PDGFRL: variants seen among roughly 807,000 people sequenced by gnomAD.
PDGFRL encodes platelet derived growth factor receptor like, also known as platelet-derived growth factor receptor-like protein.
PDGFRL carries 46 observed loss-of-function variants against 37.2 expected under a neutral mutation model. The ratio of observed to expected loss-of-function variants is 1.24; its 90% CI spans 0.98 to 1.58. PDGFRL has a LOEUF of 1.58. PDGFRL is among the 40% of genes most tolerant of loss of function. PDGFRL has a pLI of 0.00. For missense variants in PDGFRL, 692 were observed against 467.6 expected (o/e 1.48, Z -4.43); for synonymous variants, 251 against 184.3 (o/e 1.36, Z -2.93).
chr8:17,592,658 T>C (rs572123051), intron 2 of PDGFRL, among the ~76,000 whole-genome samples: 10 of 152,290 alleles, frequency 6.6e-5, no homozygotes, highest in African/African-American at 2.4e-4. Flanking sequence ...GGAACACTCT[T>C]GGGCCCCTCA....
intron 2 of PDGFRL, among the ~76,000 whole-genome samples, chr8:17,615,786 C>T (rs1041949500): frequency 6.6e-5 from 10 of 152,148 alleles, no homozygotes; most frequent in African/African-American, 2.4e-4. Flanking sequence ...GATGTGGTGG[C>T]ACATGCCAGC....
At chr8:17,640,704 G>A (rs1162792711) in intron 5 of PDGFRL, among the ~76,000 whole-genome samples, 1 of 152,136 alleles carries the variant, frequency 6.6e-6, no homozygotes, top group Non-Finnish European at 1.5e-5. Flanking sequence ...AACTCTGTGA[G>A]GGTCCTTAGT....
intron 2 of PDGFRL, among the ~76,000 whole-genome samples, chr8:17,608,320 T>C (rs986914231): frequency 6.6e-6 from 1 of 152,202 alleles, no homozygotes; most frequent in Admixed American, 6.5e-5. Context: ...CCCTTCCCTG[T>C]AACAGCACTG....
intron 2 of PDGFRL, among the ~76,000 whole-genome samples, chr8:17,599,813 T>C (rs528598565): frequency 3.9e-4 from 60 of 152,314 alleles, no homozygotes; most frequent in African/African-American, 1.4e-3. Flanking sequence ...TATGTCCTCC[T>C]TCCCTGATCT....
At chr8:17,601,389 G>A (rs1220290710) in intron 2 of PDGFRL, among the ~76,000 whole-genome samples, 1 of 152,106 alleles carries the variant, frequency 6.6e-6, no homozygotes, top group African/African-American at 2.4e-5. Flanking sequence ...GAGACTCTGG[G>A]AGCAAGCTCA....
intron 1 of PDGFRL, among the ~76,000 whole-genome samples, chr8:17,583,520 G>A (rs943010603): frequency 3.2e-4 from 48 of 152,298 alleles, no homozygotes; most frequent in African/African-American, 1.1e-3. Context: ...ATTGGGAAAG[G>A]ATGCTTGTAA....
At position 17,634,167 on chromosome 8, in the gene PDGFRL, A is replaced by G. The variant is rs1290208183; in HGVS notation, c.893A>G (p.Glu298Gly). The change falls in exon 5 of 6, where the codon GAG becomes GGG. Residue 298 changes from glutamate to glycine, a missense_variant. By Grantham distance (98) the Glu-to-Gly change is moderately conservative (BLOSUM62 -2). Transcript: ENST00000251630. ...DISVLCTVLG[E>G]PDVEVEFTWI... is the part of the protein sequence containing the mutation. Reference sequence around the variant, plus strand: ...AGTGTGCTCTGCACTGTCCTGGGGGAGCCCGATGTGGAGGTGGAGTTCACC... The same window carrying G: ...AGTGTGCTCTGCACTGTCCTGGGGGGGCCCGATGTGGAGGTGGAGTTCACC... 3 of 1,612,930 alleles carry G rather than the reference A, an allele frequency of 1.9e-6. No individual in the cohort carries two copies. Among genetic ancestry groups the G allele is most frequent in the Admixed American group, 1.7e-5 (1 of 59,960 alleles).
chr8:17,626,495 T>C (rs1333757785), intron 3 of PDGFRL, among the ~76,000 whole-genome samples: 1 of 152,198 alleles, frequency 6.6e-6, no homozygotes, highest in Non-Finnish European at 1.5e-5. Flanking sequence ...TCATGAACCA[T>C]TTGATGATGT....
intron 1 of PDGFRL, among the ~76,000 whole-genome samples, chr8:17,582,039 A>G (rs1803718452): frequency 6.6e-6 from 1 of 152,166 alleles, no homozygotes; most frequent in Admixed American, 6.5e-5. Flanking sequence ...GATTGGTTAT[A>G]TAGTTGTGAC....
At chr8:17,632,021 G>A (rs961968491) in intron 4 of PDGFRL, among the ~76,000 whole-genome samples, 1 of 152,154 alleles carries the variant, frequency 6.6e-6, no homozygotes, top group Non-Finnish European at 1.5e-5. Context: ...ATGCTTCGGG[G>A]TCCTCCATCC....
chr8:17,600,276 C>T (rs183608460), intron 2 of PDGFRL, among the ~76,000 whole-genome samples: 9 of 152,258 alleles, frequency 5.9e-5, no homozygotes, highest in African/African-American at 1.9e-4. Context: ...AGTGAAGCAT[C>T]GTGTCTTGGC....
chr8:17,632,906 A>G (rs889237766), intron 4 of PDGFRL, among the ~76,000 whole-genome samples: 8 of 152,136 alleles, frequency 5.3e-5, no homozygotes, highest in Admixed American at 4.6e-4. Context: ...ATTTTAGTTC[A>G]AACAGCGCTT....
Position 17,589,652 on chromosome 8 carries a change from C to T in PDGFRL, c.240C>T (p.Pro80=), listed in dbSNP as rs138770134. The T allele has an allele frequency of 4.6e-4, 745 of 1,613,726 alleles. No individual in the cohort carries two copies. The African/African-American group carries it at 6.1e-3, about 13-fold the overall frequency. Residue 80 remains proline, a synonymous_variant, in exon 2 of 6, where the codon CCC becomes CCT. Coordinates refer to ENST00000251630, the MANE Select transcript of PDGFRL (RefSeq NM_001372073.1). The part of the protein sequence containing the change: ...QVLDKGRFQK[P]AATLSLLAGQ... The stretch of plus-strand genomic sequence containing the variant: ...TGGATAAAGGTCGCTTCCAGAAACC[C>T]GCCGCTACCCTGAGTCTGCTGGCGG...
intron 5 of PDGFRL, among the ~76,000 whole-genome samples, chr8:17,641,896 T>TCCCCTCCCCCCCCCCCCCCCCCCCCCACC (rs144394170): frequency 9.6e-6 from 1 of 103,888 alleles, no homozygotes; most frequent in Admixed American, 1.0e-4. Flanking sequence ...TCAATAGAGG[T>TCCCCTCCCCCCCCCCCCCCCCCCCCCACC]CCCCGCCACA....
chr8:17,608,971 C>A (rs1804345800), intron 2 of PDGFRL, among the ~76,000 whole-genome samples: 1 of 152,214 alleles, frequency 6.6e-6, no homozygotes, highest in Admixed American at 6.5e-5. Flanking sequence ...GTAATCCCAG[C>A]ACTTTGGCAG....
At chr8:17,618,019 A>C (rs1471792226) in intron 2 of PDGFRL, among the ~76,000 whole-genome samples, 1 of 151,520 alleles carries the variant, frequency 6.6e-6, no homozygotes, top group Admixed American at 6.6e-5. Flanking sequence ...ATTTGCTGAA[A>C]TCTAGCTTCA....
chr8:17,635,032 C>A (rs747903265), intron 5 of PDGFRL, among the ~76,000 whole-genome samples: 1 of 152,086 alleles, frequency 6.6e-6, no homozygotes. Context: ...TCCCTCTTTC[C>A]TCCTGCCCCC....
intron 1 of PDGFRL, among the ~76,000 whole-genome samples, chr8:17,587,550 C>G (rs2705092): frequency 0.25 from 37,614 of 151,876 alleles, 5,005 homozygotes; most frequent in South Asian, 0.37. Flanking sequence ...TTCTTTCTTT[C>G]TTTCTTTTTT....
At chr8:17,619,791 C>T (rs372902339) in intron 2 of PDGFRL, among the ~76,000 whole-genome samples, 1 of 152,224 alleles carries the variant, frequency 6.6e-6, no homozygotes, top group African/African-American at 2.4e-5. Context: ...CCAAGGCTTT[C>T]TGGCTGAACT....
Sources: gnomAD v4.1 joint callset for allele counts (sites outside exome capture counted in the v4.1 genomes callset) on GRCh38, gnomAD v4.1.1 for gene constraint, MANE v1.5 for transcripts, NCBI Gene and HGNC (gene_info 2026-07-23, HGNC 2026-07-21) for gene names.